Variants in ENOX1 observed in about 807,000 individuals in gnomAD.
The protein encoded by ENOX1 is candidate growth-related and time keeping constitutive hydroquinone (NADH) oxidase.
A neutral mutation model predicts 82.5 loss-of-function variants in ENOX1; 42 were observed. The observed-to-expected ratio is 0.51, with a 90% CI of 0.40 to 0.66. ENOX1 has a LOEUF of 0.66. Ranked by LOEUF, ENOX1 falls within the 30% of genes least tolerant of loss-of-function variation. ENOX1 has a pLI of 0.00. For missense variants in ENOX1, 608 were observed against 811.6 expected (o/e 0.75, Z 3.05); for synonymous variants, 271 against 282.2 (o/e 0.96, Z 0.40).
intron 2 of ENOX1, among the ~76,000 whole-genome samples, chr13:43,642,322 C>T (rs1442963581): frequency 6.6e-6 from 1 of 152,058 alleles, no homozygotes; most frequent in African/African-American, 2.4e-5. Context: ...AGAAAGAAAG[C>T]TGGGAGCTGG....
intron 14 of ENOX1, among the ~76,000 whole-genome samples, chr13:43,259,793 G>A (rs1364641483): frequency 2.6e-5 from 4 of 152,108 alleles, no homozygotes; most frequent in Non-Finnish European, 1.5e-5. Context: ...TTTTGATAGA[G>A]CTGTGGGTTG....
chr13:43,491,535 G>A (rs1484739764), intron 2 of ENOX1, among the ~76,000 whole-genome samples: 1 of 152,180 alleles, frequency 6.6e-6, no homozygotes, highest in African/African-American at 2.4e-5. Flanking sequence ...CTGGGAGGCT[G>A]AGGAGGCAGA....
At chr13:43,215,098 A>G (rs1313075474) in intron 16 of ENOX1, among the ~76,000 whole-genome samples, 1 of 152,200 alleles carries the variant, frequency 6.6e-6, no homozygotes, top group Non-Finnish European at 1.5e-5. Context: ...GAGCTATTAC[A>G]CTTTTTCATG....
At chr13:43,631,480 G>C (rs960265534) in intron 2 of ENOX1, among the ~76,000 whole-genome samples, 1 of 152,142 alleles carries the variant, frequency 6.6e-6, no homozygotes, top group Non-Finnish European at 1.5e-5. Flanking sequence ...CTTCTGCTCC[G>C]AGAAGAACTG....
intron 1 of ENOX1, among the ~76,000 whole-genome samples, chr13:43,698,038 G>A (rs1025615995): frequency 6.6e-6 from 1 of 152,196 alleles, no homozygotes; most frequent in African/African-American, 2.4e-5. Context: ...AGATACGGTG[G>A]TGGATACATT....
intron 11 of ENOX1, among the ~76,000 whole-genome samples, chr13:43,300,878 A>T (rs551983067): frequency 6.6e-6 from 1 of 152,298 alleles, no homozygotes; most frequent in Admixed American, 6.5e-5. Flanking sequence ...TCAGAGACCT[A>T]CTCATAAAAT....
At chr13:43,314,024 A>C (rs1341909606) in intron 11 of ENOX1, among the ~76,000 whole-genome samples, 1 of 152,190 alleles carries the variant, frequency 6.6e-6, no homozygotes, top group Non-Finnish European at 1.5e-5. Context: ...GAAATGCTAC[A>C]ATTAATAGAC....
rs748848402 is a variant in ENOX1, at chr13:43,356,017, C to T, written c.725G>A (p.Arg242Gln). The T allele has an allele frequency of 5.0e-6, 8 of 1,614,080 alleles. No individual in the cohort carries two copies. Among genetic ancestry groups the T allele is most frequent in the East Asian group, 2.2e-5 (1 of 44,870 alleles). Reference sequence around the variant, plus strand: ...GAGCCGGTCCTCCTCCAGCTTGCGCCGGTGCCGCTCCTCCCGGGCACGCAT... The same window carrying T: ...GAGCCGGTCCTCCTCCAGCTTGCGCTGGTGCCGCTCCTCCCGGGCACGCAT... ...QRMRAREERH[R>Q]RKLEEDRLRP... The change falls in exon 8 of 17, where the codon CGG becomes CAG. Residue 242 changes from arginine (R) to glutamine (Q), a missense_variant. Arg to Gln is a conservative substitution (Grantham distance 43). Transcript: ENST00000690772.
chr13:43,639,093 C>T (rs1381636882), intron 2 of ENOX1, among the ~76,000 whole-genome samples: 1 of 129,204 alleles, frequency 7.7e-6, no homozygotes, highest in African/African-American at 2.8e-5. Context: ...CACCTGAGGT[C>T]AGGAGTTCGA....
chr13:43,736,298 C>T lies in ENOX1; in HGVS notation c.-285+50354G>A, dbSNP rs61241519. Among the ~76,000 whole-genome samples, 635 of 152,184 alleles carry T rather than the reference C, an allele frequency of 4.2e-3. 6 individuals carry two copies. Among genetic ancestry groups the T allele is most frequent in the African/African-American group, 0.015 (603 of 41,528 alleles). On this transcript the variant is annotated intron_variant, in intron 1 of 16. Coordinates refer to ENST00000690772, the MANE Select transcript of ENOX1 (RefSeq NM_001347969.2). ...TGAAACATGGTAGTTTGCTTATTTC[C>T]TCTGAAAAGGCTAATCAACCGGTTA...
At chr13:43,542,014 C>G (rs1258212240) in intron 2 of ENOX1, among the ~76,000 whole-genome samples, 4 of 152,156 alleles carry the variant, frequency 2.6e-5, no homozygotes, top group African/African-American at 4.8e-5. Context: ...GTCGGGGGTT[C>G]CAGAAAATCC....
chr13:43,471,674 G>A (rs1430144522), intron 3 of ENOX1, among the ~76,000 whole-genome samples: 1 of 152,052 alleles, frequency 6.6e-6, no homozygotes, highest in East Asian at 1.9e-4. Context: ...GCCTGGCGTG[G>A]TGGCAGGCGC....
intron 2 of ENOX1, chr13:43,546,535 T>C (rs2078981320): frequency 6.6e-6 from 1 of 152,196 alleles, no homozygotes; most frequent in African/African-American, 2.4e-5. Context: ...ACACTGAGAC[T>C]GCAATCAAAT....
chr13:43,505,080 T>A (rs750778732), intron 2 of ENOX1, among the ~76,000 whole-genome samples: 9 of 151,804 alleles, frequency 5.9e-5, no homozygotes, highest in Non-Finnish European at 7.4e-5. Context: ...TTTGGTGAGG[T>A]AATATCCAAT....
intron 9 of ENOX1, among the ~76,000 whole-genome samples, chr13:43,343,167 G>A (rs1449105039): frequency 1.3e-5 from 2 of 152,146 alleles, no homozygotes; most frequent in African/African-American, 2.4e-5. Context: ...TATTAGAATT[G>A]TTTTACTATG....
intron 2 of ENOX1, among the ~76,000 whole-genome samples, chr13:43,490,473 C>T (rs894261693): frequency 6.6e-6 from 1 of 151,994 alleles, no homozygotes; most frequent in African/African-American, 2.4e-5. Context: ...GGAGAGGGGC[C>T]AGGGTAGAAT....
chr13:43,445,408 C>T (rs964194857), intron 3 of ENOX1, among the ~76,000 whole-genome samples: 1 of 152,284 alleles, frequency 6.6e-6, no homozygotes, highest in Admixed American at 6.5e-5. Flanking sequence ...CAGGTGTGAG[C>T]CACTGCCCCC....
At chr13:43,328,681 C>T (rs73178328) in intron 9 of ENOX1, among the ~76,000 whole-genome samples, 2,012 of 152,228 alleles carry the variant, frequency 0.013, 20 homozygotes, top group Non-Finnish European at 0.02. Context: ...GACCCAATGG[C>T]CCAATAGTGC....
At chr13:43,706,581 G>T (rs1294925540) in intron 1 of ENOX1, among the ~76,000 whole-genome samples, 1 of 151,714 alleles carries the variant, frequency 6.6e-6, no homozygotes, top group Non-Finnish European at 1.5e-5. Flanking sequence ...AAAAATACAA[G>T]ATTAGTTCAA....
Sources: allele counts gnomAD v4.1 joint callset (sites outside exome capture counted in the v4.1 genomes callset), GRCh38; gene constraint gnomAD v4.1.1; transcripts MANE v1.5; gene names NCBI Gene and HGNC (gene_info 2026-07-23, HGNC 2026-07-21).